PLCB1: variants seen among roughly 807,000 people sequenced by gnomAD.
PLCB1 encodes the protein phospholipase C beta 1.
Under a neutral mutation model 161.8 loss-of-function variants are expected in PLCB1, and 46 were observed. That is an observed-to-expected ratio of 0.28 (90% CI 0.22 to 0.36). The LOEUF (loss-of-function observed/expected upper bound fraction) is 0.36. PLCB1 is among the 10% of genes least tolerant of loss of function. The pLI is 1.00. For missense variants in PLCB1, 1,016 were observed against 1,472.5 expected (o/e 0.69, Z 5.07); for synonymous variants, 517 against 503.7 (o/e 1.03, Z -0.35).
intron 3 of PLCB1, among the ~76,000 whole-genome samples, chr20:8,383,350 C>G (rs764318177): frequency 1.3e-5 from 2 of 151,908 alleles, no homozygotes; most frequent in Non-Finnish European, 2.9e-5. Flanking sequence ...GAATGCAACC[C>G]CTGCTTTTCT....
intron 2 of PLCB1, among the ~76,000 whole-genome samples, chr20:8,192,976 A>C (rs1406694637): frequency 6.6e-6 from 1 of 152,040 alleles, no homozygotes; most frequent in Non-Finnish European, 1.5e-5. Context: ...ATTCAATTAC[A>C]TTCAAAATTT....
chr20:8,556,154 A>G (rs1985946247), intron 3 of PLCB1, among the ~76,000 whole-genome samples: 1 of 152,048 alleles, frequency 6.6e-6, no homozygotes, highest in Non-Finnish European at 1.5e-5. Flanking sequence ...GCATGGCAGC[A>G]GTAGGAAAGA....
intron 26 of PLCB1, among the ~76,000 whole-genome samples, chr20:8,772,759 C>T (rs547975198): frequency 5.0e-4 from 76 of 152,028 alleles, no homozygotes; most frequent in Non-Finnish European, 6.8e-4. Flanking sequence ...ATGGAGAAAC[C>T]CTGTCTCTAC....
intron 3 of PLCB1, among the ~76,000 whole-genome samples, chr20:8,512,804 A>T (rs1983947498): frequency 1.3e-5 from 2 of 152,190 alleles, no homozygotes; most frequent in Admixed American, 1.3e-4. Flanking sequence ...TTGTGGTACA[A>T]ACATTTCAAA....
intron 2 of PLCB1, among the ~76,000 whole-genome samples, chr20:8,216,738 A>T (rs1226208250): frequency 6.6e-6 from 1 of 152,162 alleles, no homozygotes; most frequent in Non-Finnish European, 1.5e-5. Flanking sequence ...ATGATATAGC[A>T]TAAGAGGGAG....
At chr20:8,543,640 T>C (rs1189639579) in intron 3 of PLCB1, among the ~76,000 whole-genome samples, 2 of 109,410 alleles carry the variant, frequency 1.8e-5, no homozygotes, top group African/African-American at 6.9e-5. Context: ...AAAAAACCTG[T>C]TGGACACATC....
chr20:8,344,427 T>C (rs1163757042), intron 2 of PLCB1, among the ~76,000 whole-genome samples: 3 of 152,226 alleles, frequency 2.0e-5, no homozygotes, highest in African/African-American at 7.2e-5. Flanking sequence ...ACTTTATTTA[T>C]GGGGTCTGAG....
chr20:8,748,728 G>A (rs1981297580), intron 23 of PLCB1, among the ~76,000 whole-genome samples: 4 of 152,056 alleles, frequency 2.6e-5, no homozygotes. Flanking sequence ...GGATGAACAA[G>A]TAAAAAAATC....
At chr20:8,403,139 G>A (rs1978638896) in intron 3 of PLCB1, among the ~76,000 whole-genome samples, 1 of 152,120 alleles carries the variant, frequency 6.6e-6, no homozygotes. Context: ...GAAAATCACT[G>A]TGTGAAGTCC....
intron 3 of PLCB1, among the ~76,000 whole-genome samples, chr20:8,559,337 A>G (rs1388054567): frequency 1.3e-5 from 2 of 151,958 alleles, no homozygotes; most frequent in Non-Finnish European, 2.9e-5. Context: ...AAATATACAG[A>G]AAAAGAAATG....
chr20:8,431,422 G>A (rs1600395833), intron 3 of PLCB1, among the ~76,000 whole-genome samples: 1 of 152,166 alleles, frequency 6.6e-6, no homozygotes, highest in East Asian at 1.9e-4. Flanking sequence ...AGAGGGAGAG[G>A]GAAAAGAATT....
At chr20:8,141,654 G>T (rs1205863093) in intron 1 of PLCB1, among the ~76,000 whole-genome samples, 1 of 150,592 alleles carries the variant, frequency 6.6e-6, no homozygotes, top group African/African-American at 2.4e-5. Context: ...AGGGGGCAAT[G>T]TATGCTCTAT....
chr20:8,172,297 G>A (rs546755589), intron 2 of PLCB1, among the ~76,000 whole-genome samples: 1 of 152,286 alleles, frequency 6.6e-6, no homozygotes, highest in South Asian at 2.1e-4. Context: ...ACTCAAGAAA[G>A]GAATCTCTGA....
In PLCB1 at chr20:8,807,172, G is replaced by T. The variant is rs564558740; in HGVS notation, c.3423+16911G>T. Among the ~76,000 whole-genome samples the T allele has an allele frequency of 3.3e-5, 5 of 152,248 alleles. No homozygotes were observed. The East Asian group carries it at 9.7e-4, about 29-fold the overall frequency. On this transcript the variant is annotated intron_variant, in intron 31 of 31. Coordinates refer to ENST00000338037, the MANE Select transcript of PLCB1 (RefSeq NM_015192.4). ...TGCGATTAATTAAAGTCGGAAGTTT[G>T]TCACTGAAATAATAGTTATGAGATC...
intron 3 of PLCB1, among the ~76,000 whole-genome samples, chr20:8,627,594 A>G (rs953713189): frequency 2.6e-5 from 4 of 152,162 alleles, no homozygotes; most frequent in Non-Finnish European, 2.9e-5. Context: ...ACTGAGCCCT[A>G]TTTTAGGTTT....
chr20:8,716,046 T>G, intron 12 of PLCB1: 2 of 542,606 alleles, frequency 3.7e-6, no homozygotes, highest in Non-Finnish European at 6.6e-6. Context: ...CAGGTCTGCC[T>G]TGGGAACCAC....
chr20:8,292,342 T>C (rs1464095097), intron 2 of PLCB1, among the ~76,000 whole-genome samples: 2 of 152,262 alleles, frequency 1.3e-5, no homozygotes, highest in East Asian at 1.9e-4. Flanking sequence ...CTTAAACATA[T>C]TTGTTCAAGC....
chr20:8,807,447 G>T (rs1054713196), intron 31 of PLCB1, among the ~76,000 whole-genome samples: 3 of 151,932 alleles, frequency 2.0e-5, no homozygotes, highest in African/African-American at 7.3e-5. Flanking sequence ...AATGAAAATT[G>T]CTCACATTTA....
Position 8,765,202 on chromosome 20 carries a change from A to G in PLCB1, c.2774A>G (p.Lys925Arg), listed in dbSNP as rs1419112033. The G allele has an allele frequency of 3.7e-6, 6 of 1,614,026 alleles. No individual in the cohort carries two copies. The highest frequency in any genetic ancestry group is 1.7e-5 in the Admixed American group (1 of 59,998). ...AAATCGTTTGTGAAACTTCAAAAGAAACACTACAAAGAAATGAAAGACCTG... is the reference window on the plus strand; with the variant it reads ...AAATCGTTTGTGAAACTTCAAAAGAGACACTACAAAGAAATGAAAGACCTG... ...QQKSFVKLQK[K>R]HYKEMKDLVK... is the part of the protein sequence containing the mutation. Residue 925 changes from lysine (K) to arginine (R), a missense_variant, in exon 26 of 32, where the codon AAA becomes AGA. Physicochemically the swap from Lys to Arg is conservative, Grantham distance 26. Around this residue, in one of 10 missense-constraint regions of PLCB1, gnomAD observed 398 missense variants for 445.4 expected, o/e 0.89. Coordinates refer to ENST00000338037, the MANE Select transcript of PLCB1 (RefSeq NM_015192.4).
Sources: allele counts gnomAD v4.1 joint callset (sites outside exome capture counted in the v4.1 genomes callset), GRCh38; gene constraint gnomAD v4.1.1; regional missense constraint gnomAD v4.1.1; transcripts MANE v1.5; gene names NCBI Gene and HGNC (gene_info 2026-07-23, HGNC 2026-07-21).